ADGRL2: variants seen among roughly 807,000 people sequenced by gnomAD.
ADGRL2 encodes adhesion G protein-coupled receptor L2.
Under a neutral mutation model 157.4 loss-of-function variants are expected in ADGRL2, and 44 were observed. That is an observed-to-expected ratio of 0.28 (90% confidence interval 0.22 to 0.36). ADGRL2 has a LOEUF of 0.36. Ranked by LOEUF, ADGRL2 falls within the 10% of genes least tolerant of loss-of-function variation. ADGRL2 has a pLI of 1.00. For missense variants in ADGRL2, 1,510 were observed against 1,768.9 expected (o/e 0.85, Z 2.63); for synonymous variants, 585 against 624.7 (o/e 0.94, Z 0.95).
intron 1 of ADGRL2, among the ~76,000 whole-genome samples, chr1:81,358,889 C>T (rs1035218561): frequency 1.3e-5 from 2 of 151,888 alleles, no homozygotes; most frequent in South Asian, 2.1e-4. Flanking sequence ...AGATCTACTC[C>T]GTAGGATGAA....
intron 2 of ADGRL2, among the ~76,000 whole-genome samples, chr1:81,789,624 G>A (rs1248057634): frequency 6.7e-6 from 1 of 149,412 alleles, no homozygotes; most frequent in African/African-American, 2.5e-5. Context: ...TACTTTGGAT[G>A]CTGAGGCAGG....
intron 1 of ADGRL2, among the ~76,000 whole-genome samples, chr1:81,382,544 T>A (rs912772939): frequency 3.9e-5 from 6 of 152,156 alleles, no homozygotes. Flanking sequence ...TAAAAGCAAC[T>A]TTAACATTTA....
intron 2 of ADGRL2, among the ~76,000 whole-genome samples, chr1:81,564,278 T>A (rs1456007097): frequency 6.6e-6 from 1 of 152,160 alleles, no homozygotes; most frequent in Non-Finnish European, 1.5e-5. Flanking sequence ...GGAACAAACA[T>A]ATTATCTGTG....
intron 1 of ADGRL2, among the ~76,000 whole-genome samples, chr1:81,820,732 GTCTGA>G (rs1408002012): frequency 6.3e-5 from 4 of 63,862 alleles, no homozygotes; most frequent in Admixed American, 3.8e-4. Flanking sequence ...TGACCTGTCT[GTCTGA>G]AAAAAAAAAA....
At chr1:81,369,716 C>T (rs558946596) in intron 1 of ADGRL2, among the ~76,000 whole-genome samples, 2 of 151,956 alleles carry the variant, frequency 1.3e-5, no homozygotes, top group Non-Finnish European at 2.9e-5. Context: ...AAAAAAAAAT[C>T]CCTTTGGTTC....
chr1:81,596,431 TC>T, intron 3 of ADGRL2: 3 of 459,898 alleles, frequency 6.5e-6, no homozygotes, highest in Non-Finnish European at 8.4e-6. Flanking sequence ...ACATTGCAGC[TC>T]GTTAGAGTGA....
At chr1:81,332,865 G>GTA (rs1461419076) in intron 1 of ADGRL2, among the ~76,000 whole-genome samples, 1 of 152,110 alleles carries the variant, frequency 6.6e-6, no homozygotes, top group Non-Finnish European at 1.5e-5. Flanking sequence ...TGTTTTAAAA[G>GTA]TATATGTTTT....
At chr1:81,414,384 A>G (rs1204051650) in intron 1 of ADGRL2, 2 of 152,228 alleles carry the variant, frequency 1.3e-5, no homozygotes, top group African/African-American at 4.8e-5. Flanking sequence ...ATTCTAGTAA[A>G]TGAGAAGAGA....
intron 1 of ADGRL2, among the ~76,000 whole-genome samples, chr1:81,409,053 T>G (rs1220291652): frequency 6.6e-6 from 1 of 152,204 alleles, no homozygotes; most frequent in African/African-American, 2.4e-5. Context: ...CATAGGCTTG[T>G]GTTAAAATAT....
chr1:81,710,938 A>G (rs144565501), intron 1 of ADGRL2, among the ~76,000 whole-genome samples: 87 of 152,232 alleles, frequency 5.7e-4, no homozygotes, highest in Admixed American at 4.1e-3. Flanking sequence ...ACATTGGTTA[A>G]TCTTACATTT....
intron 2 of ADGRL2, among the ~76,000 whole-genome samples, chr1:81,893,256 T>A (rs750484936): frequency 6.6e-6 from 1 of 150,714 alleles, no homozygotes; most frequent in Non-Finnish European, 1.5e-5. Context: ...CAGATTCATC[T>A]ACACTTACTC....
intron 1 of ADGRL2, among the ~76,000 whole-genome samples, chr1:81,441,607 C>T (rs962597434): frequency 8.5e-5 from 13 of 152,112 alleles, no homozygotes; most frequent in Non-Finnish European, 1.0e-4. Context: ...TCACTGCAAC[C>T]TCTGCCTCCC....
At chr1:81,669,442 T>C (rs1330978496) in intron 3 of ADGRL2, among the ~76,000 whole-genome samples, 1 of 150,838 alleles carries the variant, frequency 6.6e-6, no homozygotes, top group Non-Finnish European at 1.5e-5. Context: ...TATGGGAGTA[T>C]ATATTTAGGC....
chr1:81,802,145 C>T (rs1368467193), intron 1 of ADGRL2, among the ~76,000 whole-genome samples: 1 of 151,242 alleles, frequency 6.6e-6, no homozygotes, highest in African/African-American at 2.4e-5. Context: ...CCCTCTCCGG[C>T]CGGGGTAGCC....
chr1:81,744,550 G>T (rs2085180530), intron 1 of ADGRL2, among the ~76,000 whole-genome samples: 1 of 152,120 alleles, frequency 6.6e-6, no homozygotes, highest in South Asian at 2.1e-4. Context: ...TTTTTATAAA[G>T]AAACTAGCAA....
intron 1 of ADGRL2, among the ~76,000 whole-genome samples, chr1:81,355,586 T>C (rs1217537955): frequency 1.3e-5 from 2 of 152,172 alleles, no homozygotes; most frequent in Non-Finnish European, 2.9e-5. Flanking sequence ...TGAAGGTTTA[T>C]AGTTGTCCAT....
chr1:81,720,179 CTTTTCT>C (rs988058061), intron 1 of ADGRL2, among the ~76,000 whole-genome samples: 3 of 138,888 alleles, frequency 2.2e-5, no homozygotes, highest in African/African-American at 7.9e-5. Context: ...TCCTTTTTTT[CTTTTCT>C]TTTTTTTTTT....
Position 81,748,100 on chromosome 1 carries a change from A to G in ADGRL2, c.-142-13711A>G, listed in dbSNP as rs192994407. Among the ~76,000 whole-genome samples the G allele has an allele frequency of 2.0e-5, 3 of 152,310 alleles. No homozygotes were observed. The East Asian group carries it at 5.8e-4, about 29-fold the overall frequency. Reference sequence around the variant, plus strand: ...CTTTTCTATTCTTTTAACTAATAGTATCAATTCTTTATATTATAATGGTAT... The same window carrying G: ...CTTTTCTATTCTTTTAACTAATAGTGTCAATTCTTTATATTATAATGGTAT... On this transcript the variant is annotated intron_variant, in intron 1 of 20. Coordinates refer to the ADGRL2 transcript ENST00000359929.
intron 2 of ADGRL2, among the ~76,000 whole-genome samples, chr1:81,765,412 C>G (rs1360999200): frequency 1.3e-5 from 2 of 151,988 alleles, no homozygotes; most frequent in East Asian, 3.9e-4. Flanking sequence ...AAATAAAATA[C>G]TGCTCATTCA....
Sources: gnomAD v4.1 joint callset for allele counts (sites outside exome capture counted in the v4.1 genomes callset) on GRCh38, gnomAD v4.1.1 for gene constraint, MANE v1.5 for transcripts, NCBI Gene and HGNC (gene_info 2026-07-23, HGNC 2026-07-21) for gene names.